PRKD1: variants seen among roughly 807,000 people sequenced by gnomAD.
The protein encoded by PRKD1 is serine/threonine-protein kinase D1.
Under a neutral mutation model 95.9 loss-of-function variants are expected in PRKD1, and 63 were observed. That is an observed-to-expected ratio of 0.66 (90% CI 0.54 to 0.81). The LOEUF (loss-of-function observed/expected upper bound fraction) is 0.81. Ranked by LOEUF, PRKD1 falls within the 30% of genes least tolerant of loss-of-function variation. PRKD1 has a pLI of 0.00. For synonymous variants in PRKD1, 425 were observed against 423.1 expected, an observed-to-expected ratio of 1.00 and a Z score of -0.05; for missense variants, 1,048 against 1,165.3, an observed-to-expected ratio of 0.90 and a Z score of 1.47.
In PRKD1 at chr14:29,749,415, T is replaced by C. The variant is rs45597932; in HGVS notation, c.265-23741A>G. ...ATGCCGGCTATGTCTGTAGTATGTGTGTGTGCCTGTGCTGGGGACGGCACA... is the reference window on the plus strand; with the variant it reads ...ATGCCGGCTATGTCTGTAGTATGTGCGTGTGCCTGTGCTGGGGACGGCACA... On this transcript the variant is annotated intron_variant, in intron 1 of 17. Coordinates refer to ENST00000331968, the MANE Select transcript of PRKD1 (RefSeq NM_002742.3). 6.6e-3 allele frequency among the ~76,000 whole-genome samples: 1,007 copies of C among 152,288 alleles called. 4 individuals carry two copies. The highest frequency in any genetic ancestry group is 0.023 in the African/African-American group (936 of 41,558).
chr14:29,710,880 TATC>T (rs988336083), intron 2 of PRKD1, among the ~76,000 whole-genome samples: 18 of 152,270 alleles, frequency 1.2e-4, no homozygotes, highest in African/African-American at 3.6e-4. Flanking sequence ...GCTAGGGTTT[TATC>T]ATCTATGAAA....
At chr14:29,845,296 TA>T (rs1393941893) in intron 1 of PRKD1, among the ~76,000 whole-genome samples, 2 of 152,204 alleles carry the variant, frequency 1.3e-5, no homozygotes, top group Admixed American at 1.3e-4. Context: ...GTTAATTAAA[TA>T]AATGTCTATT....
chr14:29,589,733 C>T (rs1893060578), intron 16 of PRKD1, among the ~76,000 whole-genome samples: 2 of 151,956 alleles, frequency 1.3e-5, no homozygotes, highest in Admixed American at 1.3e-4. Flanking sequence ...TCATGCCATG[C>T]CCTTTTATTT....
intron 2 of PRKD1, among the ~76,000 whole-genome samples, chr14:29,716,334 G>C (rs192343273): frequency 6.8e-4 from 104 of 152,290 alleles, no homozygotes; most frequent in African/African-American, 2.4e-3. Flanking sequence ...GGTATGTATT[G>C]CTGACAGAGA....
chr14:29,758,371 C>T (rs532350605), intron 1 of PRKD1, among the ~76,000 whole-genome samples: 1 of 152,034 alleles, frequency 6.6e-6, no homozygotes, highest in Non-Finnish European at 1.5e-5. Context: ...GCGTTTTGAC[C>T]CAGGACACCC....
At chr14:29,797,118 C>T (rs45588735) in intron 1 of PRKD1, among the ~76,000 whole-genome samples, 1,923 of 152,104 alleles carry the variant, frequency 0.013, 11 homozygotes, top group Non-Finnish European at 0.017. Flanking sequence ...ACCAGACCTA[C>T]GATAAAAAGG....
At chr14:29,893,511 G>A (rs1894012942) in intron 1 of PRKD1, among the ~76,000 whole-genome samples, 1 of 151,894 alleles carries the variant, frequency 6.6e-6, no homozygotes, top group South Asian at 2.1e-4. Flanking sequence ...TAAACGTATG[G>A]AATCTTGCTC....
chr14:29,747,402 A>C (rs1298331403), intron 1 of PRKD1, among the ~76,000 whole-genome samples: 1 of 152,150 alleles, frequency 6.6e-6, no homozygotes, highest in Non-Finnish European at 1.5e-5. Context: ...GTTTCTCAAA[A>C]AGTTAAACAT....
chr14:29,794,954 T>G (rs1271328056), intron 1 of PRKD1, among the ~76,000 whole-genome samples: 2 of 152,160 alleles, frequency 1.3e-5, no homozygotes, highest in Admixed American at 1.3e-4. Flanking sequence ...AGTGATTTAA[T>G]AATTTAGTAG....
chr14:29,637,847 G>A (rs917316892), intron 6 of PRKD1, among the ~76,000 whole-genome samples: 5 of 152,118 alleles, frequency 3.3e-5, no homozygotes, highest in African/African-American at 1.2e-4. Context: ...CCTTTCCAGA[G>A]GAATTGGAAA....
chr14:29,815,957 C>T (rs972193564), intron 1 of PRKD1, among the ~76,000 whole-genome samples: 56 of 152,312 alleles, frequency 3.7e-4, no homozygotes, highest in East Asian at 3.9e-4. Context: ...CGGTGGCTCA[C>T]ACCTGTAATC....
At chr14:29,779,618 C>T (rs980755086) in intron 1 of PRKD1, among the ~76,000 whole-genome samples, 8 of 151,782 alleles carry the variant, frequency 5.3e-5, no homozygotes, top group African/African-American at 1.9e-4. Flanking sequence ...CTACAAACCA[C>T]TGCTCAACGA....
chr14:29,659,548 G>A (rs1157403522), intron 4 of PRKD1, among the ~76,000 whole-genome samples: 1 of 152,100 alleles, frequency 6.6e-6, no homozygotes, highest in African/African-American at 2.4e-5. Flanking sequence ...CTGCCAACAA[G>A]TTTTCCAAAG....
chr14:29,607,862 T>A (rs1377472229), intron 13 of PRKD1, among the ~76,000 whole-genome samples: 1 of 152,156 alleles, frequency 6.6e-6, no homozygotes, highest in Admixed American at 6.5e-5. Flanking sequence ...CAGACATCTT[T>A]AACAGGGCAG....
In PRKD1 at chr14:29,655,924, A is replaced by T. The variant is rs548427788; in HGVS notation, c.696+7775T>A. On this transcript the variant is annotated intron_variant, in intron 4 of 17. Coordinates refer to ENST00000331968, the MANE Select transcript of PRKD1 (RefSeq NM_002742.3). ...CCCTAGAACTTAAAGTATAATAAAAAATATATATATATATTAAAAAAAGAA... is the reference window on the plus strand; with the variant it reads ...CCCTAGAACTTAAAGTATAATAAAATATATATATATATATTAAAAAAAGAA... 3.8e-3 allele frequency among the ~76,000 whole-genome samples: 574 copies of T among 149,588 alleles called. 1 individual carries two copies. The highest frequency in any genetic ancestry group is 0.013 in the African/African-American group (531 of 41,008).
At chr14:29,750,351 T>G (rs1887418740) in intron 1 of PRKD1, among the ~76,000 whole-genome samples, 1 of 152,276 alleles carries the variant, frequency 6.6e-6, no homozygotes, top group Admixed American at 6.5e-5. Flanking sequence ...TAAACAAAAC[T>G]TAAGTTCCTA....
At chr14:29,631,790 C>G (rs1178081179) in intron 9 of PRKD1, among the ~76,000 whole-genome samples, 2 of 119,722 alleles carry the variant, frequency 1.7e-5, no homozygotes, top group Non-Finnish European at 3.3e-5. Context: ...GCCACTGCGC[C>G]TGGCCTTTTA....
intron 13 of PRKD1, among the ~76,000 whole-genome samples, chr14:29,608,147 C>T (rs769565581): frequency 1.3e-5 from 2 of 152,130 alleles, no homozygotes; most frequent in Non-Finnish European, 2.9e-5. Flanking sequence ...CTGGATGCAT[C>T]TACTTTTTCA....
intron 1 of PRKD1, among the ~76,000 whole-genome samples, chr14:29,767,884 C>A (rs1185925048): frequency 6.6e-6 from 1 of 152,114 alleles, no homozygotes; most frequent in Non-Finnish European, 1.5e-5. Context: ...TAAAACCAAA[C>A]AATTAACAAT....
Sources: gnomAD v4.1 joint callset for allele counts (sites outside exome capture counted in the v4.1 genomes callset) on GRCh38, gnomAD v4.1.1 for gene constraint, MANE v1.5 for transcripts, NCBI Gene and HGNC (gene_info 2026-07-23, HGNC 2026-07-21) for gene names.